The following NSUN6 variants were observed in gnomAD, a reference collection of about 807,000 sequenced individuals.
NSUN6 encodes the protein NOP2/Sun RNA methyltransferase 6, also known as tRNA (cytosine(72)-C(5))-methyltransferase NSUN6.
NSUN6 carries 64 observed loss-of-function variants against 58.0 expected under a neutral mutation model. The observed-to-expected ratio is 1.10, with a 90% confidence interval of 0.90 to 1.36. The LOEUF is 1.36. Among genes scored for constraint, NSUN6 ranks in the 40% most tolerant of loss-of-function variants. The pLI is 0.00. For missense variants in NSUN6, 701 were observed against 550.1 expected (o/e 1.27, Z -2.74); for synonymous variants, 231 against 193.9 (o/e 1.19, Z -1.59).
At chr10:18,646,348 A>G (rs2059546392) in intron 2 of NSUN6, among the ~76,000 whole-genome samples, 1 of 152,184 alleles carries the variant, frequency 6.6e-6, no homozygotes, top group Non-Finnish European at 1.5e-5. Flanking sequence ...ACCTCCTCCA[A>G]GTACACTTTC....
chr10:18,562,772 G>A (rs1589865229), intron 8 of NSUN6, among the ~76,000 whole-genome samples: 1 of 151,128 alleles, frequency 6.6e-6, no homozygotes, highest in East Asian at 2.0e-4. Context: ...CAATGGAATG[G>A]AATGGATAAT....
At chr10:18,625,870 T>C (rs183013965) in intron 3 of NSUN6, among the ~76,000 whole-genome samples, 3 of 151,826 alleles carry the variant, frequency 2.0e-5, no homozygotes, top group East Asian at 3.9e-4. Flanking sequence ...AAAGGAAAAG[T>C]TTTTGGTGGG....
At chr10:18,632,814 T>C (rs1212273976) in intron 3 of NSUN6, among the ~76,000 whole-genome samples, 5 of 152,202 alleles carry the variant, frequency 3.3e-5, no homozygotes, top group Non-Finnish European at 5.9e-5. Context: ...GGTGGGACTG[T>C]CAACTAGTTC....
intron 8 of NSUN6, among the ~76,000 whole-genome samples, chr10:18,552,974 TC>T: frequency 6.6e-6 from 1 of 151,564 alleles, no homozygotes; most frequent in Non-Finnish European, 1.5e-5. Flanking sequence ...CATTCTCCAT[TC>T]CATTCCATTC....
In NSUN6 at chr10:18,651,306, T is replaced by G; in HGVS notation, c.-103A>C. 7.0e-7 allele frequency: 1 copy of G among 1,428,704 alleles called. No individual in the cohort carries two copies. 88.5% of individuals were successfully genotyped at this position (1,428,704 alleles called of 1,614,324 possible). On this transcript the variant is annotated 5_prime_UTR_variant, in exon 1 of 11. Coordinates refer to ENST00000377304, the MANE Select transcript of NSUN6 (RefSeq NM_182543.5). Reference sequence around the variant, plus strand: ...TAGTGACGAGTGTCTTGACACCAGATGCTGAGGAAAATCTTGCCGATCACG... The same window carrying G: ...TAGTGACGAGTGTCTTGACACCAGAGGCTGAGGAAAATCTTGCCGATCACG...
At chr10:18,582,797 C>A (rs909710001) in intron 8 of NSUN6, among the ~76,000 whole-genome samples, 1 of 152,126 alleles carries the variant, frequency 6.6e-6, no homozygotes, top group Admixed American at 6.5e-5. Context: ...ATGCCCATGT[C>A]AAAAAAGCTG....
chr10:18,592,367 A>G (rs973015763), intron 7 of NSUN6, among the ~76,000 whole-genome samples: 1 of 152,212 alleles, frequency 6.6e-6, no homozygotes. Flanking sequence ...TTAGAAAAAA[A>G]TACTTTAAAC....
At chr10:18,621,847 C>T (rs1315092643) in intron 3 of NSUN6, among the ~76,000 whole-genome samples, 1 of 152,170 alleles carries the variant, frequency 6.6e-6, no homozygotes, top group Admixed American at 6.5e-5. Context: ...CCTACACATA[C>T]TAACAACCCT....
chr10:18,561,827 A>G (rs1322058641), intron 8 of NSUN6, among the ~76,000 whole-genome samples: 5 of 151,296 alleles, frequency 3.3e-5, no homozygotes, highest in Admixed American at 2.0e-4. Flanking sequence ...AATAGAATGG[A>G]ATGGAGAATG....
At chr10:18,560,029 A>G (rs1196435020) in intron 8 of NSUN6, among the ~76,000 whole-genome samples, 3 of 150,606 alleles carry the variant, frequency 2.0e-5, no homozygotes, top group Non-Finnish European at 4.4e-5. Context: ...AATGGAATGG[A>G]GATTGAGCTG....
intron 8 of NSUN6, among the ~76,000 whole-genome samples, chr10:18,557,774 G>A (rs1315095171): frequency 6.6e-6 from 1 of 151,282 alleles, no homozygotes; most frequent in Non-Finnish European, 1.5e-5. Flanking sequence ...ATGGAGAATG[G>A]AACAGAATGG....
chr10:18,548,169 AT>A lies in NSUN6; in HGVS notation c.1139del (p.Asn380MetfsTer9). 1 of 1,613,816 alleles carries A rather than the reference AT, an allele frequency of 6.2e-7. No homozygotes were observed. Among genetic ancestry groups the A allele is most frequent in the African/African-American group, 1.3e-5 (1 of 75,026 alleles). ...YSTCTITLAE[N>X]EEQVAWALTK... Reference sequence around the variant, plus strand: ...TCAGGGCCCAGGCAACCTGTTCTTCATTTTCGGCCAGTGTTATAGTGCACGT... The same window carrying A: ...TCAGGGCCCAGGCAACCTGTTCTTCATTTCGGCCAGTGTTATAGTGCACGT... On this transcript the variant is annotated frameshift_variant, in exon 10 of 11. Transcript: ENST00000377304. LOFTEE classifies it high-confidence loss of function.
chr10:18,624,108 A>T (rs570516017), intron 3 of NSUN6, among the ~76,000 whole-genome samples: 1 of 152,226 alleles, frequency 6.6e-6, no homozygotes, highest in East Asian at 1.9e-4. Context: ...TTCAAGTACC[A>T]CTGTATTTTC....
chr10:18,645,722 C>A (rs1158889625), intron 2 of NSUN6, among the ~76,000 whole-genome samples: 1 of 152,040 alleles, frequency 6.6e-6, no homozygotes, highest in East Asian at 1.9e-4. Flanking sequence ...CATATGTTTT[C>A]ATTTATTTGG....
chr10:18,556,471 G>C (rs902767365), intron 8 of NSUN6, among the ~76,000 whole-genome samples: 1 of 151,442 alleles, frequency 6.6e-6, no homozygotes, highest in African/African-American at 2.4e-5. Context: ...ATGGAGAATG[G>C]AATGGAATGG....
At chr10:18,656,555 T>G (rs1246072586), upstream of NSUN6, among the ~76,000 whole-genome samples, 1 of 152,036 alleles carries the variant, frequency 6.6e-6, no homozygotes, top group Non-Finnish European at 1.5e-5. Flanking sequence ...AATGGACAAA[T>G]TGATCAGAGT....
Position 18,646,349 on chromosome 10 carries a change from G to A in NSUN6, c.231+2141C>T, listed in dbSNP as rs181967719. Among the ~76,000 whole-genome samples, 354 of 152,188 alleles carry A rather than the reference G, an allele frequency of 2.3e-3. 5 individuals carry two copies. The highest frequency in any genetic ancestry group is 8.5e-4 in the Non-Finnish European group (58 of 68,012). ...ATCCACAGCCTAAAACCTCCTCCAA[G>A]TACACTTTCTTACTAGAATCGGGTA... On this transcript the variant is annotated intron_variant, in intron 2 of 10. Transcript: ENST00000377304.
In NSUN6 at chr10:18,651,251, G is replaced by GTT. The variant is rs775113537; in HGVS notation, c.-50_-49dup. ...ACCAAGAGAAATGCTGGAAAACGGT[G>GTT]TTTTGTTTTTTTTTTTCTTTCCGAA... On this transcript the variant is annotated 5_prime_UTR_variant, in exon 1 of 11. Transcript: ENST00000377304. 4.1e-6 allele frequency: 6 copies of GTT among 1,474,494 alleles called. No homozygotes were observed. The highest frequency in any genetic ancestry group is 4.5e-6 in the Non-Finnish European group (5 of 1,115,490). 91.3% of individuals were successfully genotyped at this position (1,474,494 alleles called of 1,614,324 possible).
intron 8 of NSUN6, among the ~76,000 whole-genome samples, chr10:18,576,722 T>A (rs1352600977): frequency 6.6e-6 from 1 of 152,108 alleles, no homozygotes; most frequent in South Asian, 2.1e-4. Flanking sequence ...GCAGTGAGCT[T>A]AAGAATTTTT....
Sources: gnomAD v4.1 joint callset for allele counts (sites outside exome capture counted in the v4.1 genomes callset) on GRCh38, gnomAD v4.1.1 for gene constraint, MANE v1.5 for transcripts, NCBI Gene and HGNC (gene_info 2026-07-23, HGNC 2026-07-21) for gene names.